Variants in PADI1 observed in about 807,000 individuals in gnomAD.
PADI1 encodes the protein peptidyl arginine deiminase 1.
Under a neutral mutation model 74.8 loss-of-function variants are expected in PADI1, and 65 were observed. The observed-to-expected ratio is 0.87, with a 90% CI of 0.71 to 1.07. PADI1 has a LOEUF of 1.07. PADI1 is among the 50% of genes least tolerant of loss of function. The pLI, the probability that PADI1 is intolerant of heterozygous loss-of-function variation, is 0.00. For missense variants in PADI1, 943 were observed against 854.0 expected, an observed-to-expected ratio of 1.10 and a Z score of -1.30; for synonymous variants, 371 against 336.2, an observed-to-expected ratio of 1.10 and a Z score of -1.13.
At chr1:17,226,210 C>G (rs1239224365) in intron 6 of PADI1, 52 bp downstream of exon 6, 4 of 1,582,892 alleles carry the variant, frequency 2.5e-6, no homozygotes, top group African/African-American at 1.4e-5. Context: ...TATCTATCCT[C>G]TCCTCCCCCA....
chr1:17,208,252 AG>A (rs1413342893), intron 1 of PADI1, among the ~76,000 whole-genome samples: 2 of 152,154 alleles, frequency 1.3e-5, no homozygotes, highest in African/African-American at 2.4e-5. Flanking sequence ...TCATTCCCCC[AG>A]GGGCTGTGTG....
At chr1:17,223,762 G>A (rs1224568970) in intron 3 of PADI1, 69 bp downstream of exon 3, 10 of 1,316,210 alleles carry the variant, frequency 7.6e-6, no homozygotes. Context: ...GAGGGTCTTA[G>A]TGGATTCCTT....
chr1:17,229,556 T>C (rs757449944), intron 8 of PADI1, among the ~76,000 whole-genome samples: 2 of 152,210 alleles, frequency 1.3e-5, no homozygotes, highest in East Asian at 3.8e-4. Context: ...CTGCCAGGCC[T>C]CTGTGCCAGA....
At chr1:17,219,875 T>C (rs191073464) in intron 1 of PADI1, among the ~76,000 whole-genome samples, 19 of 152,026 alleles carry the variant, frequency 1.2e-4, no homozygotes, top group East Asian at 1.2e-3. Context: ...ATGCCTGCTA[T>C]TGGGGGCAGG....
intron 11 of PADI1, among the ~76,000 whole-genome samples, chr1:17,234,434 T>G (rs966066351): frequency 6.6e-6 from 1 of 152,204 alleles, no homozygotes; most frequent in South Asian, 2.1e-4. Flanking sequence ...TATTTTTCAT[T>G]TGGCCCCAGT....
Position 17,205,192 on chromosome 1 carries a change from T to A in PADI1, c.-26T>A. 1 of 1,603,362 alleles carries A rather than the reference T, an allele frequency of 6.2e-7. No individual in the cohort carries two copies. Among genetic ancestry groups the A allele is most frequent in the Non-Finnish European group, 8.5e-7 (1 of 1,170,824 alleles). On this transcript the variant is annotated 5_prime_UTR_variant, in exon 1 of 16. Coordinates refer to ENST00000375471, the MANE Select transcript of PADI1 (RefSeq NM_013358.3). ...GGGAGCTGGGGAGCCAGGGCTGATC[T>A]AGGAGGCTGGGAGCCAGGTGACAGG...
Position 17,228,398 on chromosome 1 carries a change from T to C in PADI1, c.653-227T>C, listed in dbSNP as rs76966820. The stretch of plus-strand genomic sequence containing the variant: ...CAGGTGCTTCTATCTCTTTATTTAG[T>C]TTAAAGTTTATATTGGCCTCATGAG... On this transcript the variant is annotated intron_variant, in intron 6 of 15. Coordinates refer to ENST00000375471, the MANE Select transcript of PADI1 (RefSeq NM_013358.3). Among the ~76,000 whole-genome samples, 968 of 152,366 alleles carry C rather than the reference T, an allele frequency of 6.4e-3. 17 individuals are homozygous for C. The highest frequency in any genetic ancestry group is 0.022 in the African/African-American group (906 of 41,588).
intron 1 of PADI1, among the ~76,000 whole-genome samples, chr1:17,218,413 G>T (rs1026121055): frequency 3.3e-5 from 5 of 152,120 alleles, no homozygotes; most frequent in African/African-American, 1.2e-4. Flanking sequence ...CTGGAGTTAG[G>T]GGGTAAGGGG....
chr1:17,222,404 G>A lies in PADI1; in HGVS notation c.207G>A (p.Pro69=), dbSNP rs41265069. Residue 69 remains proline, a synonymous_variant, in exon 2 of 16, where the codon CCG becomes CCA. Coordinates refer to ENST00000375471, the MANE Select transcript of PADI1 (RefSeq NM_013358.3). ...AGCCCATAGGCAAGGCCCGTTGGCC[G>A]CTAGACACTGATGCAGACATGGTCG... ...VKEPIGKARW[P]LDTDADMVVS... 1.9e-5 allele frequency: 30 copies of A among 1,614,086 alleles called. No individual in the cohort carries two copies. The highest frequency in any genetic ancestry group is 1.6e-4 in the Middle Eastern group (1 of 6,062).
intron 12 of PADI1, 97 bp from the exon 13 acceptor site, chr1:17,238,519 C>T: frequency 3.9e-6 from 2 of 516,942 alleles, no homozygotes; most frequent in Non-Finnish European, 6.5e-6. Flanking sequence ...GAGGGGAGTC[C>T]CAAGAACTGT....
intron 11 of PADI1, 90 bp downstream of exon 11, chr1:17,233,060 A>G (rs1569831085): frequency 8.4e-7 from 1 of 1,184,514 alleles, no homozygotes; most frequent in Non-Finnish European, 1.1e-6. Flanking sequence ...ACAATTCCCC[A>G]GTCTGAGAAG....
intron 4 of PADI1, among the ~76,000 whole-genome samples, chr1:17,225,334 C>T (rs563945687): frequency 2.0e-4 from 31 of 152,288 alleles, no homozygotes; most frequent in Admixed American, 1.6e-3. Context: ...CGACTTGGCT[C>T]AGACCTCAGC....
At chr1:17,224,461 G>C (rs778215693) in intron 4 of PADI1, 33 bp downstream of exon 4, 2 of 1,572,134 alleles carry the variant, frequency 1.3e-6, no homozygotes, top group African/African-American at 2.7e-5. Flanking sequence ...AAGGCTGCGG[G>C]GTTGAAAGGC....
rs1226575483 is a variant in PADI1 at position 17,244,645 on chromosome 1, C to T, written c.*402C>T. On this transcript the variant is annotated 3_prime_UTR_variant, in exon 16 of 16. Transcript: ENST00000375471. The stretch of plus-strand genomic sequence containing the variant: ...GCACCTGGAACGGGGCCTGGGGGAC[C>T]TGGGGTCTGGTGTGCCAGGCACCAG... 1 of 359,642 alleles carries T rather than the reference C, an allele frequency of 2.8e-6. No homozygotes were observed. Among genetic ancestry groups the T allele is most frequent in the Non-Finnish European group, 5.5e-6 (1 of 181,950 alleles). 22.3% of individuals were successfully genotyped at this position (359,642 alleles called of 1,614,324 possible).
chr1:17,215,301 A>T (rs1214280352), intron 1 of PADI1, among the ~76,000 whole-genome samples: 1 of 152,100 alleles, frequency 6.6e-6, no homozygotes, highest in African/African-American at 2.4e-5. Context: ...GCAGATCTAG[A>T]CTACAGGAAG....
intron 13 of PADI1, among the ~76,000 whole-genome samples, chr1:17,239,267 C>A (rs763033452): frequency 6.6e-6 from 1 of 152,172 alleles, no homozygotes; most frequent in African/African-American, 2.4e-5. Flanking sequence ...CAAGGATAGC[C>A]CTGAGTTCAA....
At chr1:17,206,663 GA>G (rs1477046286) in intron 1 of PADI1, among the ~76,000 whole-genome samples, 1 of 150,452 alleles carries the variant, frequency 6.6e-6, no homozygotes, top group African/African-American at 2.4e-5. Flanking sequence ...AGCTGAAGCT[GA>G]AGTCTTTTTT....
At chr1:17,217,885 G>A (rs1370484117) in intron 1 of PADI1, among the ~76,000 whole-genome samples, 1 of 152,228 alleles carries the variant, frequency 6.6e-6, no homozygotes, top group Admixed American at 6.5e-5. Context: ...ATTTAAAAGT[G>A]TATTGCGTCT....
At position 17,212,835 on chromosome 1, in the gene PADI1, C is replaced by G. The variant is rs562616090; in HGVS notation, c.92+7526C>G. On this transcript the variant is annotated intron_variant, in intron 1 of 15. Coordinates refer to ENST00000375471, the MANE Select transcript of PADI1 (RefSeq NM_013358.3). ...TTAGGGCAGACAAGGACAAGAAGAT[C>G]ACAGGCACCACCCCCCTCGCCTTGC... Among the ~76,000 whole-genome samples, 5 of 152,298 alleles carry G rather than the reference C, an allele frequency of 3.3e-5. No individual in the cohort carries two copies. The East Asian group carries it at 9.7e-4, about 29-fold the overall frequency.
Sources: gnomAD v4.1 joint callset for allele counts (sites outside exome capture counted in the v4.1 genomes callset) on GRCh38, gnomAD v4.1.1 for gene constraint, MANE v1.5 for transcripts, NCBI Gene and HGNC (gene_info 2026-07-23, HGNC 2026-07-21) for gene names.